The following NABP2 variants were observed in gnomAD, a reference collection of about 807,000 sequenced individuals.
NABP2 encodes the protein nucleic acid binding protein 2.
Under a neutral mutation model 22.7 loss-of-function variants are expected in NABP2, and 7 were observed. That is an observed-to-expected ratio of 0.31 (90% CI 0.18 to 0.58). The LOEUF (loss-of-function observed/expected upper bound fraction) is 0.58. Among genes scored for constraint, NABP2 ranks in the 20% least tolerant of loss-of-function variants. The pLI is 0.89. For missense variants in NABP2, 188 were observed against 265.9 expected, an observed-to-expected ratio of 0.71 and a Z score of 2.04; for synonymous variants, 107 against 99.2, an observed-to-expected ratio of 1.08 and a Z score of -0.47.
intron 6 of NABP2, among the ~76,000 whole-genome samples, chr12:56,228,617 A>C (rs1592369420): frequency 6.6e-6 from 1 of 151,812 alleles, no homozygotes. Context: ...CGAATGCCTG[A>C]CCTCGTGATC....
At chr12:56,226,595 C>T (rs1170058536) in intron 6 of NABP2, among the ~76,000 whole-genome samples, 176 bp downstream of exon 6, 4 of 111,232 alleles carry the variant, frequency 3.6e-5, no homozygotes, top group East Asian at 3.2e-4. Context: ...GACGAAGTCT[C>T]GCTCTTGTCA....
intron 6 of NABP2, among the ~76,000 whole-genome samples, 182 bp from the exon 7 acceptor site, chr12:56,228,832 T>C (rs1383474198): frequency 6.6e-6 from 1 of 152,156 alleles, no homozygotes; most frequent in African/African-American, 2.4e-5. Context: ...ATCGTGTAAG[T>C]CTTCTCTGGA....
At chr12:56,225,828 C>G in intron 4 of NABP2, 133 bp downstream of exon 4, 1 of 1,021,792 alleles carries the variant, frequency 9.8e-7, no homozygotes, top group Non-Finnish European at 1.5e-6. Context: ...TTTTGAGAAA[C>G]AGTCTCTGTC....
rs951328677 is a variant in NABP2, at chr12:56,229,820, G to A, written c.*607G>A. The A allele has an allele frequency of 2.6e-5, 4 of 154,636 alleles. No homozygotes were observed. Among genetic ancestry groups the A allele is most frequent in the East Asian group, 1.9e-4 (1 of 5,224 alleles). The allele number at this position is 154,636 out of a possible 1,614,324, so 9.6% of individuals were successfully genotyped here. ...CTGTGTGAGACATGGGAGTCTAACT[G>A]AAGTCTCTCCTTCCTAATAAATGTT... is the stretch of plus-strand genomic sequence containing the variant. On this transcript the variant is annotated 3_prime_UTR_variant, in exon 7 of 7. Transcript: ENST00000267023.
chr12:56,226,121 C>A, intron 4 of NABP2, 58 bp from the exon 5 acceptor site: 1 of 1,524,460 alleles, frequency 6.6e-7, no homozygotes, highest in Admixed American at 1.7e-5. Flanking sequence ...TTTTCTGAGG[C>A]CTCCAGCAGT....
At chr12:56,225,776 C>G in intron 4 of NABP2, 81 bp downstream of exon 4, 1 of 1,359,704 alleles carries the variant, frequency 7.4e-7, no homozygotes, top group Non-Finnish European at 1.0e-6. Flanking sequence ...GTGTGCAGTC[C>G]AAGCCTCATT....
Position 56,226,373 on chromosome 12 carries a change from C to T in NABP2, c.390C>T (p.Asn130=). 4 of 1,613,834 alleles carry T rather than the reference C, an allele frequency of 2.5e-6. No individual in the cohort carries two copies. The highest frequency in any genetic ancestry group is 3.4e-6 in the Non-Finnish European group (4 of 1,180,028). ...APNKAVQNDS[N]PSASQPTTGP... ...GCCTTCAGGTGCAGAACGACAGCAACCCTTCAGCTTCCCAGCCTACCACTG... is the reference window on the plus strand; with the variant it reads ...GCCTTCAGGTGCAGAACGACAGCAATCCTTCAGCTTCCCAGCCTACCACTG... Residue 130 remains asparagine, a synonymous_variant, in exon 6 of 7, where the codon AAC becomes AAT. Transcript: ENST00000267023.
chr12:56,224,370 C>G lies in NABP2; in HGVS notation c.-95C>G. On this transcript the variant is annotated 5_prime_UTR_variant, in exon 1 of 7. Transcript: ENST00000267023. The stretch of plus-strand genomic sequence containing the variant: ...CTCCCGCGTTCCACGGGGCAGCATC[C>G]GGCGGCAGCGGAGCCTGTGGCTCCC... The G allele has an allele frequency of 7.1e-6, 7 of 990,382 alleles. No homozygotes were observed. The highest frequency in any genetic ancestry group is 8.4e-6 in the Non-Finnish European group (7 of 831,958). The allele number at this position is 990,382 out of a possible 1,614,324, so 61.3% of individuals were successfully genotyped here. A position where few individuals can be genotyped will look rare whatever the true frequency, so the allele number is the denominator to read the frequency against.
At chr12:56,224,070 CTT>C (rs1555229871), upstream of NABP2, among the ~76,000 whole-genome samples, 1 of 152,228 alleles carries the variant, frequency 6.6e-6, no homozygotes, top group Non-Finnish European at 1.5e-5. Flanking sequence ...TTGTGTCACT[CTT>C]TGGAAAGAAA....
chr12:56,224,440 G>C lies in NABP2; in HGVS notation c.-25G>C. On this transcript the variant is annotated splice_region_variant and 5_prime_UTR_variant, in exon 1 of 7. Coordinates refer to ENST00000267023, the MANE Select transcript of NABP2 (RefSeq NM_024068.4). Reference sequence around the variant, plus strand: ...CGTGCACAGTCCTGCCGGCTGGCTTGGGTGGGTGGTGGGCTGCGGGTAGGG... The same window carrying C: ...CGTGCACAGTCCTGCCGGCTGGCTTCGGTGGGTGGTGGGCTGCGGGTAGGG... 1 of 1,030,294 alleles carries C rather than the reference G, an allele frequency of 9.7e-7. No homozygotes were observed. The highest frequency in any genetic ancestry group is 1.2e-6 in the Non-Finnish European group (1 of 852,434). 63.8% of individuals were successfully genotyped at this position (1,030,294 alleles called of 1,614,324 possible). A position where few individuals can be genotyped will look rare whatever the true frequency, so the allele number is the denominator to read the frequency against.
chr12:56,229,491 T>G lies in NABP2; in HGVS notation c.*278T>G, dbSNP rs1870008770. On this transcript the variant is annotated 3_prime_UTR_variant, in exon 7 of 7. Coordinates refer to ENST00000267023, the MANE Select transcript of NABP2 (RefSeq NM_024068.4). The stretch of plus-strand genomic sequence containing the variant: ...GGCTCACGCTTGTAATCCCAGCACT[T>G]TGGGAAGCCGAGGTGGGCGGATCAC... 4.8e-6 allele frequency: 2 copies of G among 412,924 alleles called. No individual in the cohort carries two copies. The highest frequency in any genetic ancestry group is 2.0e-5 in the African/African-American group (1 of 49,384). The allele number at this position is 412,924 out of a possible 1,614,324, so 25.6% of individuals were successfully genotyped here.
In NABP2 at chr12:56,229,314, T is replaced by C; in HGVS notation, c.*101T>C. On this transcript the variant is annotated 3_prime_UTR_variant, in exon 7 of 7. Transcript: ENST00000267023. ...GCTGGTGTAGCAGTATTTTAGCCAC[T>C]GAACTTCAGTGGAGGGTGGTGAGCA... 7.8e-7 allele frequency: 1 copy of C among 1,280,724 alleles called. No individual in the cohort carries two copies. The highest frequency in any genetic ancestry group is 1.3e-5 in the South Asian group (1 of 75,618). The allele number at this position is 1,280,724 out of a possible 1,614,324, so 79.3% of individuals were successfully genotyped here. A position where few individuals can be genotyped will look rare whatever the true frequency, so the allele number is the denominator to read the frequency against.
chr12:56,224,671 T>A, intron 1 of NABP2, 163 bp from the exon 2 acceptor site: 1 of 940,272 alleles, frequency 1.1e-6, no homozygotes, highest in Non-Finnish European at 1.5e-6. Flanking sequence ...ATTCTGATCC[T>A]GAAGTTGGAG....
chr12:56,227,182 CA>C, intron 6 of NABP2, among the ~76,000 whole-genome samples: 1 of 151,734 alleles, frequency 6.6e-6, no homozygotes, highest in East Asian at 2.0e-4. Context: ...CAAGACCAGC[CA>C]TGGCCAACGT....
At chr12:56,227,834 A>G (rs943431763) in intron 6 of NABP2, among the ~76,000 whole-genome samples, 1 of 152,334 alleles carries the variant, frequency 6.6e-6, no homozygotes, top group East Asian at 1.9e-4. Context: ...AAATTAAAAA[A>G]TAAATATTTA....
At chr12:56,226,872 C>CG (rs1449371681) in intron 6 of NABP2, among the ~76,000 whole-genome samples, 1 of 150,710 alleles carries the variant, frequency 6.6e-6, no homozygotes, top group African/African-American at 2.4e-5. Context: ...CACAGGTGCA[C>CG]GCCACCATGC....
At chr12:56,228,919 GACTGTGCC>G (rs1869945284) in intron 6 of NABP2, 87 bp from the exon 7 acceptor site, 1 of 1,160,056 alleles carries the variant, frequency 8.6e-7, no homozygotes, top group African/African-American at 1.5e-5. Flanking sequence ...GCATGGTGAA[GACTGTGCC>G]ACTCTTTGGG....
upstream of NABP2, chr12:56,223,545 A>T (rs1301078098): frequency 1.3e-5 from 2 of 152,066 alleles, no homozygotes; most frequent in East Asian, 3.9e-4. Flanking sequence ...TCAAAAAAAA[A>T]AAAAAAAGGG....
Position 56,229,088 on chromosome 12 carries a change from C to CCCCCCCCCCCCCCCCCCCCCCCCA in NABP2, c.513_514insCCCCCCCCCCCCCCCCCCCCCACC (p.Pro171_Ser172insProProProProProProProThr). Reference sequence around the variant, plus strand: ...TGGTGGCCCACATCCCCCTCATACTCCCTCCCACCCACCCAGCACCCGAAT... The same window carrying CCCCCCCCCCCCCCCCCCCCCCCCA: ...TGGTGGCCCACATCCCCCTCATACTCCCCCCCCCCCCCCCCCCCCCCCCACCTCCCACCCACCCAGCACCCGAAT... On this transcript the variant is annotated inframe_insertion, in exon 7 of 7. Coordinates refer to ENST00000267023, the MANE Select transcript of NABP2 (RefSeq NM_024068.4). 1.7e-6 allele frequency: 1 copy of CCCCCCCCCCCCCCCCCCCCCCCCA among 586,442 alleles called. No individual in the cohort carries two copies. The allele number at this position is 586,442 out of a possible 1,614,324, so 36.3% of individuals were successfully genotyped here. A position where few individuals can be genotyped will look rare whatever the true frequency, so the allele number is the denominator to read the frequency against.
Sources: allele counts gnomAD v4.1 joint callset (sites outside exome capture counted in the v4.1 genomes callset), GRCh38; gene constraint gnomAD v4.1.1; transcripts MANE v1.5; gene names NCBI Gene and HGNC (gene_info 2026-07-23, HGNC 2026-07-21).